ZNF451: variants seen among roughly 807,000 people sequenced by gnomAD.
ZNF451 encodes the protein zinc finger protein 451.
A neutral mutation model predicts 107.1 loss-of-function variants in ZNF451; 80 were observed. That is an observed-to-expected ratio of 0.75 (90% CI 0.62 to 0.90). The LOEUF is 0.90. Ranked by LOEUF, ZNF451 falls within the 40% of genes least tolerant of loss-of-function variation. The probability of loss-of-function intolerance (pLI) is 0.00; values close to 1 mark genes in which losing one functional copy is unlikely to be tolerated. For missense variants in ZNF451, 1,107 were observed against 1,236.2 expected (o/e 0.90, Z 1.57); for synonymous variants, 362 against 406.5 (o/e 0.89, Z 1.32).
chr6:57,111,390 T>C (rs1416401234), intron 3 of ZNF451, among the ~76,000 whole-genome samples: 20 of 151,804 alleles, frequency 1.3e-4, no homozygotes, highest in African/African-American at 4.6e-4. Context: ...TTTTTGTTTT[T>C]TGTTTCTTGA....
chr6:57,102,659 G>C, intron 3 of ZNF451: 1 of 985,436 alleles, frequency 1.0e-6, no homozygotes, highest in Non-Finnish European at 1.2e-6. Context: ...AGCTCTGTGA[G>C]ACTTCAGAAT....
intron 7 of ZNF451, among the ~76,000 whole-genome samples, chr6:57,137,378 T>C (rs903321704): frequency 2.0e-5 from 3 of 152,202 alleles, no homozygotes; most frequent in African/African-American, 7.2e-5. Flanking sequence ...TTCTTCACTC[T>C]AGACTAGGCC....
chr6:57,153,450 C>T (rs758617694), intron 12 of ZNF451, among the ~76,000 whole-genome samples: 2 of 151,320 alleles, frequency 1.3e-5, no homozygotes, highest in Non-Finnish European at 2.9e-5. Context: ...ACTCTGTCGC[C>T]CAGGCTGGAG....
intron 2 of ZNF451, among the ~76,000 whole-genome samples, chr6:57,095,349 T>TA (rs1477910256): frequency 2.1e-5 from 3 of 141,246 alleles, no homozygotes; most frequent in East Asian, 2.0e-4. Flanking sequence ...TTTTTTTTTT[T>TA]AAAGAGATAG....
At chr6:57,148,990 A>C (rs1413758411) in intron 10 of ZNF451, among the ~76,000 whole-genome samples, 1 of 152,188 alleles carries the variant, frequency 6.6e-6, no homozygotes, top group Non-Finnish European at 1.5e-5. Context: ...TGAAAGTTAG[A>C]TTTCAAAGTT....
chr6:57,090,208 C>CAGT lies in ZNF451; in HGVS notation c.-44_-43insTAG, dbSNP rs760981463. 3.8e-4 allele frequency: 598 copies of CAGT among 1,575,852 alleles called. 1 individual carries two copies. The highest frequency in any genetic ancestry group is 3.7e-3 in the Middle Eastern group (21 of 5,696). On this transcript the variant is annotated 5_prime_UTR_variant, in exon 1 of 15. Transcript: ENST00000370706. ...AGGGGATTCGTGGCGACGGCGGCGGCAGGGACAGCAGGAGCAGTGGTGCTG... is the reference window on the plus strand; with the variant it reads ...AGGGGATTCGTGGCGACGGCGGCGGCAGTAGGGACAGCAGGAGCAGTGGTGCTG...
At chr6:57,101,565 C>T in intron 3 of ZNF451, 3 of 1,550,936 alleles carry the variant, frequency 1.9e-6, no homozygotes, top group Non-Finnish European at 2.6e-6. Flanking sequence ...ACGCTGCCTC[C>T]ATTGCAGCCC....
At chr6:57,117,625 T>C (rs1830436112) in intron 3 of ZNF451, among the ~76,000 whole-genome samples, 1 of 152,186 alleles carries the variant, frequency 6.6e-6, no homozygotes, top group African/African-American at 2.4e-5. Context: ...ATGTGACTAG[T>C]GAATTACTGA....
intron 14 of ZNF451, among the ~76,000 whole-genome samples, chr6:57,163,552 G>A (rs1396680837): frequency 7.4e-5 from 10 of 135,240 alleles, no homozygotes; most frequent in East Asian, 2.4e-4. Flanking sequence ...CCGGGTTCAC[G>A]CCATTCTCCT....
intron 3 of ZNF451, chr6:57,101,936 A>G (rs3800021): frequency 2.6e-6 from 4 of 1,550,584 alleles, no homozygotes; most frequent in East Asian, 4.9e-5. Context: ...TATAAAGATC[A>G]CAAATACTAT....
At position 57,095,677 on chromosome 6, in the gene ZNF451, G is replaced by A. The variant is rs563287502; in HGVS notation, c.106-3384G>A. Among the ~76,000 whole-genome samples the A allele has an allele frequency of 3.9e-5, 6 of 151,982 alleles. No homozygotes were observed. The South Asian group carries it at 1.2e-3, about 32-fold the overall frequency. On this transcript the variant is annotated intron_variant, in intron 2 of 14. Transcript: ENST00000370706. ...TCCTTTTTTTCTTTTCTCTTAGTGT[G>A]AATCATATAAAATTATTGTTCTTCA...
intron 7 of ZNF451, among the ~76,000 whole-genome samples, chr6:57,138,375 GCC>G (rs1442311903): frequency 2.0e-5 from 3 of 151,354 alleles, no homozygotes; most frequent in Non-Finnish European, 4.4e-5. Context: ...CGATTCTTCT[GCC>G]TCAGCCTCCT....
intron 3 of ZNF451, among the ~76,000 whole-genome samples, chr6:57,118,596 CCTCAGCCTCCTGA>C (rs2127954719): frequency 6.6e-6 from 1 of 152,226 alleles, no homozygotes; most frequent in Non-Finnish European, 1.5e-5. Context: ...AATCCTCCTG[CCTCAGCCTCCTGA>C]GTAGCTAAGA....
intron 3 of ZNF451, chr6:57,105,105 TAGTC>T (rs1013579633): frequency 1.0e-6 from 1 of 985,424 alleles, no homozygotes; most frequent in Non-Finnish European, 1.2e-6. Context: ...CAGAAACTCT[TAGTC>T]AGATAATAAA....
In ZNF451 at chr6:57,148,001, C is replaced by T; in HGVS notation, c.1916C>T (p.Ala639Val). 6.2e-7 allele frequency: 1 copy of T among 1,614,102 alleles called. No homozygotes were observed. The highest frequency in any genetic ancestry group is 1.1e-5 in the South Asian group (1 of 91,076). ...ASHKFHRYSC[A>V]HCRKPFHKIE... ...CACAAGTTTCATAGATACAGCTGTG[C>T]TCACTGCAGAAAGCCTTTTCATAAG... is the stretch of plus-strand genomic sequence containing the variant. The change falls in exon 10 of 15, where the codon GCT becomes GTT. Residue 639 changes from alanine to valine, a missense_variant. This residue lies in a region of ZNF451 where 608 missense variants were observed against 649.2 expected (regional missense o/e 0.94). Transcript: ENST00000370706.
In ZNF451 at chr6:57,115,204, T is replaced by G. The variant is rs139750448; in HGVS notation, c.187-9530T>G. On this transcript the variant is annotated intron_variant, in intron 3 of 14. Transcript: ENST00000370706. ...AAAAGTGAGCTCAGGAGGTTGAGGC[T>G]TCAGTGAGCTGTGGTCACACCATTG... 1.1e-4 allele frequency: 16 copies of G among 152,308 alleles called. No homozygotes were observed. In the East Asian group the frequency reaches 3.1e-3, roughly 29 times the overall value. 9.4% of individuals were successfully genotyped at this position (152,308 alleles called of 1,614,324 possible). A position where few individuals can be genotyped will look rare whatever the true frequency, so the allele number is the denominator to read the frequency against.
intron 12 of ZNF451, 42 bp downstream of exon 12, chr6:57,152,393 C>A: frequency 6.2e-7 from 1 of 1,609,770 alleles, no homozygotes; most frequent in Admixed American, 1.7e-5. Flanking sequence ...GAATCTCAGA[C>A]CCACTTGCAT....
rs536826962 is a variant in ZNF451 at position 57,129,900 on chromosome 6, A to G, written c.424+1060A>G. Among the ~76,000 whole-genome samples, 21 of 152,228 alleles carry G rather than the reference A, an allele frequency of 1.4e-4. No individual in the cohort carries two copies. In the South Asian group the frequency reaches 2.7e-3, roughly 20 times the overall value. On this transcript the variant is annotated intron_variant, in intron 5 of 14. Coordinates refer to ENST00000370706, the MANE Select transcript of ZNF451 (RefSeq NM_001031623.3). ...ATTGCTGAGTGAATATGGTTATTGT[A>G]TATCATGTCCAATTATGTGAGAAGC... is the stretch of plus-strand genomic sequence containing the variant.
chr6:57,123,633 A>G (rs1199051130), intron 3 of ZNF451, among the ~76,000 whole-genome samples: 1 of 152,168 alleles, frequency 6.6e-6, no homozygotes, highest in African/African-American at 2.4e-5. Context: ...TACCCTTGTA[A>G]CAAACCCTCA....
Sources: gnomAD v4.1 joint callset for allele counts (sites outside exome capture counted in the v4.1 genomes callset) on GRCh38, gnomAD v4.1.1 for gene constraint, gnomAD v4.1.1 regional missense constraint, MANE v1.5 for transcripts, NCBI Gene and HGNC (gene_info 2026-07-23, HGNC 2026-07-21) for gene names.